The following TRIO variants were observed in gnomAD, a reference collection of about 807,000 sequenced individuals.
TRIO encodes the protein trio Rho guanine nucleotide exchange factor.
In TRIO, 58 loss-of-function variants were observed where a neutral mutation model predicts 351.9. The observed-to-expected ratio is 0.16, with a 90% CI of 0.13 to 0.21. TRIO has a LOEUF of 0.21. TRIO is among the 10% of genes least tolerant of loss of function. The pLI, the probability that TRIO is intolerant of heterozygous loss-of-function variation, is 1.00. For synonymous variants in TRIO, 1,758 were observed against 1,595.7 expected (o/e 1.10, Z -2.42); for missense variants, 3,201 against 4,027.8 (o/e 0.79, Z 5.56).
chr5:14,314,021 A>G (rs1398101480), intron 8 of TRIO, among the ~76,000 whole-genome samples: 1 of 152,210 alleles, frequency 6.6e-6, no homozygotes, highest in East Asian at 1.9e-4. Flanking sequence ...ACCAAATCAT[A>G]GGCTCTGATG....
At chr5:14,454,944 C>T (rs745818529) in intron 34 of TRIO, among the ~76,000 whole-genome samples, 25 of 151,942 alleles carry the variant, frequency 1.6e-4, no homozygotes, top group Admixed American at 7.2e-4. Flanking sequence ...TGCAGACCTT[C>T]GCGGTGAGTG....
Position 14,291,153 on chromosome 5 carries a change from C to T in TRIO, c.978C>T (p.His326=). Residue 326 remains histidine (H), a synonymous_variant, in exon 5 of 57, where the codon CAC becomes CAT. Transcript: ENST00000344204. The part of the protein sequence containing the change: ...DRLHSTRQHL[H]QMWHVRKLKL... ...TGCACTCGACACGGCAGCATCTGCA[C>T]CAGATGTGGCATGTGAGGAAGCTGA... 2 of 1,614,136 alleles carry T rather than the reference C, an allele frequency of 1.2e-6. No individual in the cohort carries two copies. The highest frequency in any genetic ancestry group is 1.7e-6 in the Non-Finnish European group (2 of 1,180,038).
intron 33 of TRIO, among the ~76,000 whole-genome samples, chr5:14,414,528 T>C (rs1159456283): frequency 6.6e-6 from 1 of 152,246 alleles, no homozygotes; most frequent in Non-Finnish European, 1.5e-5. Context: ...CCTCAAACAC[T>C]GTCCTCACTC....
chr5:14,180,961 A>G (rs1789731031), intron 1 of TRIO, among the ~76,000 whole-genome samples: 1 of 152,210 alleles, frequency 6.6e-6, no homozygotes, highest in Non-Finnish European at 1.5e-5. Context: ...GTCTAGGGAA[A>G]TCCTTCAGAA....
intron 1 of TRIO, among the ~76,000 whole-genome samples, chr5:14,223,667 G>T (rs764316348): frequency 3.3e-5 from 5 of 152,218 alleles, no homozygotes; most frequent in Admixed American, 6.5e-5. Context: ...AAATGGCCAA[G>T]TTTCCGGGAA....
At chr5:14,480,033 C>T (rs761378027) in intron 43 of TRIO, 22 bp downstream of exon 43, 13 of 1,610,316 alleles carry the variant, frequency 8.1e-6, no homozygotes, top group Admixed American at 1.7e-5. Flanking sequence ...GCGGGACAAA[C>T]TCTGGTGTCA....
chr5:14,380,341 T>TCCTCCTTCGCG (rs1561417281), intron 20 of TRIO, among the ~76,000 whole-genome samples: 2 of 141,064 alleles, frequency 1.4e-5, no homozygotes, highest in Non-Finnish European at 3.1e-5. Flanking sequence ...CCTCCTTCGC[T>TCCTCCTTCGCG]CCTCGCTCCT....
chr5:14,394,259 A>G (rs943326119), intron 28 of TRIO, 129 bp downstream of exon 28: 100 of 586,852 alleles, frequency 1.7e-4, no homozygotes, highest in Non-Finnish European at 3.8e-5. Flanking sequence ...TTTTTAATTC[A>G]TTAGTATTTA....
chr5:14,505,457 C>T (rs966665459), intron 55 of TRIO, among the ~76,000 whole-genome samples: 9 of 152,132 alleles, frequency 5.9e-5, no homozygotes, highest in African/African-American at 1.9e-4. Flanking sequence ...AGGGTAAAAC[C>T]TTTTGTCACC....
chr5:14,234,832 T>C (rs2152226799), intron 1 of TRIO, among the ~76,000 whole-genome samples: 1 of 152,360 alleles, frequency 6.6e-6, no homozygotes, highest in Middle Eastern at 3.4e-3. Context: ...AGTTCTGAAA[T>C]GACTTATTTT....
At chr5:14,490,469 A>G (rs916526013) in intron 48 of TRIO, among the ~76,000 whole-genome samples, 1 of 152,216 alleles carries the variant, frequency 6.6e-6, no homozygotes, top group Non-Finnish European at 1.5e-5. Flanking sequence ...AGTGACATGG[A>G]TGTGGATCAA....
intron 34 of TRIO, chr5:14,420,522 A>G (rs1287572339): frequency 6.5e-6 from 1 of 153,374 alleles, no homozygotes; most frequent in Non-Finnish European, 1.5e-5. Flanking sequence ...GGTAAGAAAC[A>G]GGAAGAATTA....
intron 7 of TRIO, among the ~76,000 whole-genome samples, chr5:14,299,467 A>G (rs147781957): frequency 2.0e-3 from 309 of 151,842 alleles, no homozygotes; most frequent in African/African-American, 7.2e-3. Flanking sequence ...TGAAATGCAC[A>G]GATGGGAGAT....
chr5:14,218,947 A>G (rs1433706731), intron 1 of TRIO, among the ~76,000 whole-genome samples: 1 of 152,226 alleles, frequency 6.6e-6, no homozygotes, highest in East Asian at 1.9e-4. Flanking sequence ...TTACTGAGCT[A>G]GGGAAGCTGT....
chr5:14,151,085 G>C lies in TRIO; in HGVS notation c.157+7203G>C, dbSNP rs1034083960. Among the ~76,000 whole-genome samples, 11 of 152,266 alleles carry C rather than the reference G, an allele frequency of 7.2e-5. No homozygotes were observed. The South Asian group carries it at 8.3e-4, about 11-fold the overall frequency. ...GATCTTCAGCGCCTCACAGTTCCTGGTGCGAAAGAAGAAGTTTAGTTTCAT... is the reference window on the plus strand; with the variant it reads ...GATCTTCAGCGCCTCACAGTTCCTGCTGCGAAAGAAGAAGTTTAGTTTCAT... On this transcript the variant is annotated intron_variant, in intron 1 of 56. Coordinates refer to ENST00000344204, the MANE Select transcript of TRIO (RefSeq NM_007118.4).
chr5:14,469,663 G>A (rs565023482), intron 37 of TRIO, among the ~76,000 whole-genome samples: 5 of 152,356 alleles, frequency 3.3e-5, no homozygotes, highest in African/African-American at 9.6e-5. Flanking sequence ...ACATGAAGGC[G>A]ATAAGGACGT....
chr5:14,158,675 T>A lies in TRIO; in HGVS notation c.157+14793T>A, dbSNP rs535385126. 7.2e-5 allele frequency among the ~76,000 whole-genome samples: 11 copies of A among 151,812 alleles called. No homozygotes were observed. In the South Asian group the frequency reaches 2.1e-3, roughly 29 times the overall value. ...AGTGAGATTCAGTATCTACCAAAAA[T>A]TTAAAATTCGCTGGGCTTGGTGGCG... is the stretch of plus-strand genomic sequence containing the variant. On this transcript the variant is annotated intron_variant, in intron 1 of 56. Coordinates refer to ENST00000344204, the MANE Select transcript of TRIO (RefSeq NM_007118.4).
intron 29 of TRIO, among the ~76,000 whole-genome samples, chr5:14,397,868 C>T (rs994652240): frequency 5.3e-5 from 8 of 152,060 alleles, no homozygotes; most frequent in African/African-American, 1.9e-4. Flanking sequence ...GTATGGCCGC[C>T]CTTCATGATG....
chr5:14,218,927 T>G (rs1384727998), intron 1 of TRIO, among the ~76,000 whole-genome samples: 1 of 152,242 alleles, frequency 6.6e-6, no homozygotes, highest in Non-Finnish European at 1.5e-5. Context: ...CAGCAACCCT[T>G]CTCCGGCTCT....
Sources: gnomAD v4.1 joint callset for allele counts (sites outside exome capture counted in the v4.1 genomes callset) on GRCh38, gnomAD v4.1.1 for gene constraint, MANE v1.5 for transcripts, NCBI Gene and HGNC (gene_info 2026-07-23, HGNC 2026-07-21) for gene names.